GALNT13: variants seen among roughly 807,000 people sequenced by gnomAD.
The protein encoded by GALNT13 is UDP-GalNAc:polypeptide N-acetylgalactosaminyltransferase 13.
Under a neutral mutation model 64.2 loss-of-function variants are expected in GALNT13, and 28 were observed. The observed-to-expected ratio is 0.44, with a 90% CI of 0.32 to 0.60. GALNT13 has a LOEUF of 0.60. Among genes scored for constraint, GALNT13 ranks in the 20% least tolerant of loss-of-function variants. The probability of loss-of-function intolerance (pLI) is 0.05; values close to 1 mark genes in which losing one functional copy is unlikely to be tolerated. For missense variants in GALNT13, 577 were observed against 669.8 expected (o/e 0.86, Z 1.53); for synonymous variants, 214 against 224.6 (o/e 0.95, Z 0.42).
At chr2:153,254,441 T>G in the GALNT13 span, among the ~76,000 whole-genome samples, 62 of 152,358 alleles carry the variant, frequency 4.1e-4, 1 homozygote, top group Non-Finnish European at 8.5e-4. Context: ...ATTAATTTTT[T>G]GAAGGGTTTT....
the GALNT13 span, among the ~76,000 whole-genome samples, chr2:153,257,654 C>T: frequency 1.3e-5 from 2 of 152,210 alleles, no homozygotes; most frequent in Non-Finnish European, 2.9e-5. Context: ...CTATTGGCAG[C>T]TTTTAACAAT....
At chr2:154,004,465 A>C (rs902025936) in intron 3 of GALNT13, among the ~76,000 whole-genome samples, 1 of 152,128 alleles carries the variant, frequency 6.6e-6, no homozygotes, top group African/African-American at 2.4e-5. Context: ...CGGCCTCCCA[A>C]AGTGCTGGGA....
chr2:153,549,295 A>G, the GALNT13 span, among the ~76,000 whole-genome samples: 1 of 152,244 alleles, frequency 6.6e-6, no homozygotes, highest in Admixed American at 6.5e-5. Context: ...GTAGCTTTCA[A>G]TCTTTACACA....
chr2:154,152,659 C>T (rs932684114), intron 4 of GALNT13, among the ~76,000 whole-genome samples: 39 of 152,140 alleles, frequency 2.6e-4, no homozygotes, highest in Admixed American at 9.2e-4. Context: ...TAAACTTCCC[C>T]TCTCGCTTCA....
chr2:153,848,663 G>A, the GALNT13 span, among the ~76,000 whole-genome samples: 1 of 151,870 alleles, frequency 6.6e-6, no homozygotes, highest in African/African-American at 2.4e-5. Flanking sequence ...GATCTTACAG[G>A]TAATAGAAAG....
chr2:153,511,641 C>T, the GALNT13 span, among the ~76,000 whole-genome samples: 2 of 152,064 alleles, frequency 1.3e-5, no homozygotes, highest in African/African-American at 4.8e-5. Context: ...TTTTCACTAG[C>T]CACAGTCAAA....
At chr2:154,069,110 A>C (rs1700615032) in intron 3 of GALNT13, among the ~76,000 whole-genome samples, 1 of 152,050 alleles carries the variant, frequency 6.6e-6, no homozygotes, top group Admixed American at 6.6e-5. Flanking sequence ...AAAAGGAAGA[A>C]AAAGTCAATG....
chr2:153,537,986 A>G, the GALNT13 span, among the ~76,000 whole-genome samples: 1 of 152,176 alleles, frequency 6.6e-6, no homozygotes, highest in Admixed American at 6.5e-5. Flanking sequence ...AAGGTAGCTG[A>G]AAATGTGGAA....
At position 154,277,530 on chromosome 2, in the gene GALNT13, A is replaced by T. The variant is rs561549979; in HGVS notation, c.975+18392A>T. 5.3e-5 allele frequency among the ~76,000 whole-genome samples: 8 copies of T among 152,292 alleles called. No individual in the cohort carries two copies. In the East Asian group the frequency reaches 1.2e-3, roughly 22 times the overall value. The stretch of plus-strand genomic sequence containing the variant: ...GTTCTAGTCAACCAGAAATGTAGTT[A>T]AAAAAGGAAACCAATTATGAGATTT... On this transcript the variant is annotated intron_variant, in intron 8 of 12. Coordinates refer to ENST00000392825, the MANE Select transcript of GALNT13 (RefSeq NM_052917.4).
the GALNT13 span, among the ~76,000 whole-genome samples, chr2:153,732,807 A>AT: frequency 6.6e-6 from 1 of 152,058 alleles, no homozygotes; most frequent in Non-Finnish European, 1.5e-5. Flanking sequence ...AGAAAAGTGG[A>AT]TTTTGCCTCT....
chr2:153,225,747 C>A, the GALNT13 span, among the ~76,000 whole-genome samples: 3 of 151,942 alleles, frequency 2.0e-5, no homozygotes, highest in African/African-American at 7.3e-5. Context: ...AAATAAAATT[C>A]TTGGGTATAA....
intron 3 of GALNT13, among the ~76,000 whole-genome samples, chr2:153,988,269 T>C (rs11890069): frequency 0.39 from 59,859 of 151,572 alleles, 12,212 homozygotes; most frequent in Middle Eastern, 0.6. Context: ...CTAAAACTTA[T>C]TCTTCTTGTC....
At chr2:153,095,167 A>G in the GALNT13 span, among the ~76,000 whole-genome samples, 1 of 152,254 alleles carries the variant, frequency 6.6e-6, no homozygotes, top group African/African-American at 2.4e-5. Flanking sequence ...TCCAGAATTT[A>G]CAAAGAACTC....
intron 2 of GALNT13, among the ~76,000 whole-genome samples, chr2:153,928,079 G>A (rs1048543914): frequency 2.0e-5 from 3 of 151,942 alleles, no homozygotes; most frequent in African/African-American, 7.3e-5. Context: ...AGGGTTCTGT[G>A]CTTTTGTTTG....
chr2:153,750,396 A>G, the GALNT13 span, among the ~76,000 whole-genome samples: 5 of 151,844 alleles, frequency 3.3e-5, no homozygotes, highest in Non-Finnish European at 1.5e-5. Context: ...TTTAAGTAGG[A>G]TTTGTATTAG....
intron 2 of GALNT13, among the ~76,000 whole-genome samples, chr2:153,907,147 C>T (rs1233821423): frequency 1.3e-5 from 2 of 151,526 alleles, no homozygotes; most frequent in Non-Finnish European, 2.9e-5. Flanking sequence ...TGGATATTAG[C>T]CCTTTGTCAG....
the GALNT13 span, among the ~76,000 whole-genome samples, chr2:153,699,958 T>C: frequency 6.5e-4 from 99 of 152,028 alleles, no homozygotes; most frequent in Non-Finnish European, 1.1e-3. Context: ...TCAAAACAAT[T>C]GAAAAGGAGA....
At chr2:154,029,417 G>A (rs991651507) in intron 3 of GALNT13, among the ~76,000 whole-genome samples, 8 of 152,050 alleles carry the variant, frequency 5.3e-5, no homozygotes, top group Non-Finnish European at 1.0e-4. Context: ...CAGATACTGA[G>A]AAAAGAAATG....
At chr2:154,231,553 C>A (rs889749463) in intron 4 of GALNT13, among the ~76,000 whole-genome samples, 1 of 151,764 alleles carries the variant, frequency 6.6e-6, no homozygotes, top group South Asian at 2.1e-4. Flanking sequence ...CTTCAATTAG[C>A]ACTTTTATTT....
Sources: gnomAD v4.1 joint callset for allele counts (sites outside exome capture counted in the v4.1 genomes callset) on GRCh38, gnomAD v4.1.1 for gene constraint, MANE v1.5 for transcripts, NCBI Gene and HGNC (gene_info 2026-07-23, HGNC 2026-07-21) for gene names.